The following DLG2 variants were observed in gnomAD, a reference collection of about 807,000 sequenced individuals.
The protein encoded by DLG2 is disks large homolog 2.
A neutral mutation model predicts 132.5 loss-of-function variants in DLG2; 45 were observed. That is an observed-to-expected ratio of 0.34 (90% CI 0.27 to 0.44). The LOEUF (loss-of-function observed/expected upper bound fraction) is 0.44. Among genes scored for constraint, DLG2 ranks in the 20% least tolerant of loss-of-function variants. DLG2 has a pLI of 1.00. For synonymous variants in DLG2, 424 were observed against 419.6 expected (o/e 1.01, Z -0.13); for missense variants, 1,045 against 1,196.9 (o/e 0.87, Z 1.87).
intron 6 of DLG2, among the ~76,000 whole-genome samples, chr11:84,920,182 T>C (rs556196249): frequency 6.6e-6 from 1 of 152,298 alleles, no homozygotes; most frequent in East Asian, 1.9e-4. Context: ...TCAAGCAGCA[T>C]TGGTTTATCT....
chr11:85,626,124 C>A (rs994329594), intron 2 of DLG2, among the ~76,000 whole-genome samples: 1 of 152,320 alleles, frequency 6.6e-6, no homozygotes, highest in Non-Finnish European at 1.5e-5. Context: ...AATAATAAGT[C>A]TATTTTTTAA....
chr11:83,949,087 A>G (rs1374458719), intron 14 of DLG2, among the ~76,000 whole-genome samples: 1 of 152,196 alleles, frequency 6.6e-6, no homozygotes, highest in Non-Finnish European at 1.5e-5. Context: ...CATTTTTTCT[A>G]ATATTGTTGT....
chr11:85,025,705 A>G lies in DLG2; in HGVS notation c.357+85956T>C, dbSNP rs545333719. Among the ~76,000 whole-genome samples, 3 of 152,328 alleles carry G rather than the reference A, an allele frequency of 2.0e-5. No individual in the cohort carries two copies. In the East Asian group the frequency reaches 5.8e-4, roughly 29 times the overall value. On this transcript the variant is annotated intron_variant, in intron 6 of 27. Transcript: ENST00000376104. Reference sequence around the variant, plus strand: ...TCTGGTAATTGCAGAGATATTCTGTAAAAGTTGGCTAATAAGAAGGTTTTG... The same window carrying G: ...TCTGGTAATTGCAGAGATATTCTGTGAAAGTTGGCTAATAAGAAGGTTTTG...
chr11:84,319,222 C>T (rs2098388681), intron 7 of DLG2, among the ~76,000 whole-genome samples: 2 of 152,024 alleles, frequency 1.3e-5, no homozygotes, highest in Non-Finnish European at 2.9e-5. Context: ...CCTCCCTCCC[C>T]CCTTTTTATT....
At chr11:85,499,418 A>G (rs1043996383) in intron 3 of DLG2, among the ~76,000 whole-genome samples, 1 of 152,234 alleles carries the variant, frequency 6.6e-6, no homozygotes, top group African/African-American at 2.4e-5. Flanking sequence ...CTCTGAATAG[A>G]CCAATAATAG....
At chr11:85,185,430 C>T (rs984627381) in intron 4 of DLG2, among the ~76,000 whole-genome samples, 1 of 151,938 alleles carries the variant, frequency 6.6e-6, no homozygotes, top group Non-Finnish European at 1.5e-5. Context: ...TGCACGCACA[C>T]TTTTCTTTTA....
At chr11:84,815,045 C>A (rs12287865) in intron 6 of DLG2, among the ~76,000 whole-genome samples, 1 of 152,012 alleles carries the variant, frequency 6.6e-6, no homozygotes. Context: ...AGGGAACCAG[C>A]ACCAGAGGCA....
At chr11:84,692,424 G>A (rs924809472) in intron 6 of DLG2, among the ~76,000 whole-genome samples, 7 of 151,212 alleles carry the variant, frequency 4.6e-5, no homozygotes, top group South Asian at 2.1e-4. Flanking sequence ...TATCCACTTC[G>A]TTGCCTATAA....
chr11:85,218,373 A>T (rs1447786557), intron 4 of DLG2, among the ~76,000 whole-genome samples: 1 of 152,174 alleles, frequency 6.6e-6, no homozygotes, highest in East Asian at 1.9e-4. Context: ...AACAAACAGA[A>T]AGCAAATAAC....
At chr11:84,135,656 T>C (rs2094572972) in intron 9 of DLG2, among the ~76,000 whole-genome samples, 2 of 152,020 alleles carry the variant, frequency 1.3e-5, no homozygotes, top group Non-Finnish European at 2.9e-5. Context: ...GTTTGAAAAA[T>C]TCCACGTCAT....
At chr11:85,610,055 G>C (rs1254655904) in intron 2 of DLG2, among the ~76,000 whole-genome samples, 1 of 152,172 alleles carries the variant, frequency 6.6e-6, no homozygotes, top group African/African-American at 2.4e-5. Context: ...CTTGAGAAGG[G>C]AATCAACCCT....
intron 3 of DLG2, among the ~76,000 whole-genome samples, chr11:85,481,149 C>T (rs941769257): frequency 6.6e-6 from 1 of 152,170 alleles, no homozygotes; most frequent in Non-Finnish European, 1.5e-5. Context: ...TTTGTAAATT[C>T]CCCATTCAGT....
At chr11:85,121,861 T>C (rs1353107103) in intron 5 of DLG2, among the ~76,000 whole-genome samples, 1 of 152,196 alleles carries the variant, frequency 6.6e-6, no homozygotes, top group Non-Finnish European at 1.5e-5. Flanking sequence ...TGTGTGTACA[T>C]GTATGTATAT....
chr11:85,471,317 T>C (rs537038427), intron 3 of DLG2, among the ~76,000 whole-genome samples: 4 of 152,170 alleles, frequency 2.6e-5, no homozygotes, highest in African/African-American at 7.2e-5. Context: ...TTTAGACTTA[T>C]TTTAAAATCT....
intron 7 of DLG2, among the ~76,000 whole-genome samples, chr11:84,257,679 A>ATT (rs1172548999): frequency 4.8e-3 from 512 of 105,854 alleles, no homozygotes; most frequent in Non-Finnish European, 6.6e-3. Flanking sequence ...TTATCTCTGG[A>ATT]TTTTTTTTTT....
At chr11:83,988,796 T>G (rs772964071) in intron 11 of DLG2, among the ~76,000 whole-genome samples, 2 of 152,158 alleles carry the variant, frequency 1.3e-5, no homozygotes, top group African/African-American at 2.4e-5. Context: ...AGCTCCCTAT[T>G]TAATGCTGTC....
intron 18 of DLG2, among the ~76,000 whole-genome samples, chr11:83,702,351 T>A (rs980044218): frequency 1.3e-5 from 2 of 152,244 alleles, no homozygotes; most frequent in African/African-American, 4.8e-5. Context: ...TTTACCTTTA[T>A]AAATCACAAT....
At chr11:85,620,290 G>T (rs1275978182) in intron 2 of DLG2, among the ~76,000 whole-genome samples, 1 of 152,098 alleles carries the variant, frequency 6.6e-6, no homozygotes, top group East Asian at 1.9e-4. Context: ...TCTACCAACT[G>T]GTCATTGCCC....
chr11:83,835,784 C>T (rs115333919), intron 16 of DLG2, among the ~76,000 whole-genome samples: 3,514 of 152,234 alleles, frequency 0.023, 150 homozygotes, highest in African/African-American at 0.079. Context: ...AGCTTTATTG[C>T]AAATTTCTGT....
Sources: gnomAD v4.1 joint callset for allele counts (sites outside exome capture counted in the v4.1 genomes callset) on GRCh38, gnomAD v4.1.1 for gene constraint, MANE v1.5 for transcripts, NCBI Gene and HGNC (gene_info 2026-07-23, HGNC 2026-07-21) for gene names.